Variants in RAB1A observed in about 807,000 individuals in gnomAD.
The protein encoded by RAB1A is ras-related protein Rab-1A.
Under a neutral mutation model 26.0 loss-of-function variants are expected in RAB1A, and 2 were observed. The ratio of observed to expected loss-of-function variants is 0.08; its 90% CI spans 0.03 to 0.24. The LOEUF (loss-of-function observed/expected upper bound fraction) is 0.24. RAB1A is among the 10% of genes least tolerant of loss of function. The pLI, the probability that RAB1A is intolerant of heterozygous loss-of-function variation, is 1.00. For synonymous variants in RAB1A, 84 were observed against 84.9 expected (o/e 0.99, Z 0.06); for missense variants, 100 against 247.0 (o/e 0.40, Z 3.99).
chr2:65,097,574 T>G (rs1300884957), intron 3 of RAB1A, among the ~76,000 whole-genome samples: 1 of 152,228 alleles, frequency 6.6e-6, no homozygotes, highest in Non-Finnish European at 1.5e-5. Flanking sequence ...TCTCTTCAAC[T>G]GAGCCACATA....
At chr2:65,119,235 G>A (rs2422436) in intron 1 of RAB1A, among the ~76,000 whole-genome samples, 99,372 of 151,334 alleles carry the variant, frequency 0.66, 32,834 homozygotes, top group Non-Finnish European at 0.69. Flanking sequence ...GCCTGGTGTG[G>A]TGGCTCACAC....
At chr2:65,126,798 T>C (rs563079820) in intron 1 of RAB1A, among the ~76,000 whole-genome samples, 14 of 152,342 alleles carry the variant, frequency 9.2e-5, no homozygotes, top group Non-Finnish European at 1.6e-4. Flanking sequence ...TAAAAACGAA[T>C]GAGCTTGTAT....
chr2:65,123,372 G>A (rs1009697288), intron 1 of RAB1A, among the ~76,000 whole-genome samples: 2 of 151,676 alleles, frequency 1.3e-5, no homozygotes, highest in African/African-American at 4.8e-5. Context: ...GTTTCACCGT[G>A]TTAGCCAGGA....
intron 2 of RAB1A, among the ~76,000 whole-genome samples, chr2:65,101,321 T>C (rs115260048): frequency 2.0e-5 from 3 of 152,282 alleles, no homozygotes; most frequent in African/African-American, 4.8e-5. Context: ...TCCTTCAGTT[T>C]TGAGCTCAGG....
intron 1 of RAB1A, among the ~76,000 whole-genome samples, chr2:65,112,564 TA>T (rs1383486332): frequency 6.6e-6 from 1 of 152,222 alleles, no homozygotes; most frequent in Non-Finnish European, 1.5e-5. Flanking sequence ...GTATTTCTAT[TA>T]GTGAAAAATT....
chr2:65,106,113 A>T (rs1219309990), intron 1 of RAB1A, among the ~76,000 whole-genome samples: 1 of 152,098 alleles, frequency 6.6e-6, no homozygotes, highest in Non-Finnish European at 1.5e-5. Context: ...TAACTCAAAA[A>T]CTATCCCCAG....
At chr2:65,125,041 C>T (rs902637762) in intron 1 of RAB1A, among the ~76,000 whole-genome samples, 2 of 96,886 alleles carry the variant, frequency 2.1e-5, no homozygotes, top group African/African-American at 4.0e-5. Context: ...ATTTGAAACA[C>T]AATGCAAGCA....
At chr2:65,113,504 C>A (rs1573083004) in intron 1 of RAB1A, among the ~76,000 whole-genome samples, 1 of 152,048 alleles carries the variant, frequency 6.6e-6, no homozygotes, top group Middle Eastern at 3.4e-3. Context: ...AGAGTGAGAC[C>A]CCCATCTCTA....
At chr2:65,102,268 TTTC>T (rs1669448469) in intron 2 of RAB1A, among the ~76,000 whole-genome samples, 1 of 152,170 alleles carries the variant, frequency 6.6e-6, no homozygotes, top group African/African-American at 2.4e-5. Context: ...TTCTTGCTTT[TTTC>T]TTATTTTAAA....
chr2:65,107,825 G>A (rs937873988), intron 1 of RAB1A, among the ~76,000 whole-genome samples: 15 of 152,088 alleles, frequency 9.9e-5, no homozygotes, highest in Non-Finnish European at 5.9e-5. Context: ...AACAACCCAG[G>A]CTAGGCGTAG....
chr2:65,098,853 T>TTTTTTTG (rs1669351845), intron 2 of RAB1A, among the ~76,000 whole-genome samples: 2 of 149,868 alleles, frequency 1.3e-5, no homozygotes, highest in African/African-American at 2.5e-5. Flanking sequence ...TTTTTTTTTT[T>TTTTTTTG]GAGGCAGGAT....
intron 1 of RAB1A, among the ~76,000 whole-genome samples, chr2:65,127,834 C>T (rs917629738): frequency 6.6e-6 from 1 of 152,134 alleles, no homozygotes; most frequent in East Asian, 1.9e-4. Flanking sequence ...CCCGGGATCA[C>T]GCCATTCTCC....
At chr2:65,089,702 A>ATTTTTTTTTTTTT (rs58993413) in intron 4 of RAB1A, among the ~76,000 whole-genome samples, 1,543 of 141,342 alleles carry the variant, frequency 0.011, 48 homozygotes, top group East Asian at 0.11. Context: ...AATTTGATTA[A>ATTTTTTTTTTTTT]TTTTTTTTTT....
At chr2:65,113,491 A>T (rs1669751491) in intron 1 of RAB1A, among the ~76,000 whole-genome samples, 9 of 152,248 alleles carry the variant, frequency 5.9e-5, no homozygotes, top group Admixed American at 5.9e-4. Context: ...AGCCTAGGCA[A>T]CAAGAGTGAG....
intron 1 of RAB1A, among the ~76,000 whole-genome samples, chr2:65,116,793 G>T (rs1390848737): frequency 6.6e-6 from 1 of 152,204 alleles, no homozygotes; most frequent in African/African-American, 2.4e-5. Context: ...GATCATACAA[G>T]TCACAACTCC....
At chr2:65,110,722 C>A (rs1294416452) in intron 1 of RAB1A, among the ~76,000 whole-genome samples, 1 of 151,866 alleles carries the variant, frequency 6.6e-6, no homozygotes, top group Non-Finnish European at 1.5e-5. Context: ...TCACATGAGG[C>A]CAGAAGTTCA....
chr2:65,119,380 G>A (rs1669900485), intron 1 of RAB1A, among the ~76,000 whole-genome samples: 2 of 151,814 alleles, frequency 1.3e-5, no homozygotes, highest in African/African-American at 4.8e-5. Flanking sequence ...GGTGGTGGGT[G>A]CTTGTAATCC....
intron 1 of RAB1A, among the ~76,000 whole-genome samples, chr2:65,108,353 T>C (rs1192379878): frequency 1.3e-4 from 7 of 52,350 alleles, no homozygotes; most frequent in Non-Finnish European, 2.7e-4. Flanking sequence ...CAAAACTCCA[T>C]CTCAAAAAAA....
chr2:65,097,208 TGA>T (rs1421477746), intron 3 of RAB1A, among the ~76,000 whole-genome samples: 3 of 152,174 alleles, frequency 2.0e-5, no homozygotes, highest in African/African-American at 7.2e-5. Flanking sequence ...TGAAAAATAC[TGA>T]GAGATTTATT....
Sources: gnomAD v4.1 joint callset for allele counts (sites outside exome capture counted in the v4.1 genomes callset) on GRCh38, gnomAD v4.1.1 for gene constraint, MANE v1.5 for transcripts, NCBI Gene and HGNC (gene_info 2026-07-23, HGNC 2026-07-21) for gene names.